Variants in TRRAP observed in about 807,000 individuals in gnomAD.
TRRAP encodes transformation/transcription domain associated protein, also known as transformation/transcription domain-associated protein.
Under a neutral mutation model 438.8 loss-of-function variants are expected in TRRAP, and 41 were observed. The ratio of observed to expected loss-of-function variants is 0.09; its 90% CI spans 0.07 to 0.12. TRRAP has a LOEUF of 0.12. Among genes scored for constraint, TRRAP ranks in the 10% least tolerant of loss-of-function variants. TRRAP has a pLI of 1.00. For missense variants in TRRAP, 3,122 were observed against 5,055.1 expected (o/e 0.62, Z 11.60); for synonymous variants, 1,994 against 1,962.9 (o/e 1.02, Z -0.42).
rs782549255 is a variant in TRRAP, at chr7:98,893,823, T to C, written c.392T>C (p.Ile131Thr). 1.2e-5 allele frequency: 19 copies of C among 1,613,492 alleles called. No individual in the cohort carries two copies. The Admixed American group carries it at 1.5e-4, about 13-fold the overall frequency. Residue 131 changes from isoleucine (I) to threonine (T), a missense_variant, in exon 6 of 73, where the codon ATT becomes ACT. Ile to Thr is a moderately conservative substitution (Grantham distance 89). Around this residue, in one of 24 missense-constraint regions of TRRAP, gnomAD observed 343 missense variants for 564.0 expected, o/e 0.61. Transcript: ENST00000456197. ...LETENEENVL[I>T]CLRIIIELHK... ...ACGGAAAATGAAGAAAATGTTCTTA[T>C]TTGTCTAAGAATAATTATTGAGCTA...
chr7:98,917,185 G>A (rs1158532106), intron 19 of TRRAP, among the ~76,000 whole-genome samples: 1 of 152,136 alleles, frequency 6.6e-6, no homozygotes, highest in East Asian at 1.9e-4. Context: ...ATAGTACTAT[G>A]ATTATAATTT....
In TRRAP at chr7:98,961,444, C is replaced by T. The variant is rs753196030; in HGVS notation, c.6673C>T (p.Arg2225Cys). 21 of 1,614,104 alleles carry T rather than the reference C, an allele frequency of 1.3e-5. No homozygotes were observed. Among genetic ancestry groups the T allele is most frequent in the Non-Finnish European group, 1.7e-5 (20 of 1,180,054 alleles). The change falls in exon 46 of 73, where the codon CGC (arginine) becomes TGC (cysteine). Residue 2225 changes from arginine to cysteine, a missense_variant. Arg to Cys is a radical substitution (Grantham distance 180, BLOSUM62 -3). This residue lies in a region of TRRAP where 992 missense variants were observed against 1,281.2 expected (regional missense o/e 0.77). Coordinates refer to ENST00000456197, the MANE Select transcript of TRRAP (RefSeq NM_001375524.1). Reference protein sequence around the residue: ...VLRAVHSLLSRLMSIFPTEPS... With the variant: ...VLRAVHSLLSCLMSIFPTEPS... ...GCGAGCCGTCCACAGCCTTCTCTCG[C>T]GCCTGATGAGCATTTTCCCAACAGA...
In TRRAP at chr7:98,917,513, C is replaced by T; in HGVS notation, c.2456C>T (p.Ser819Leu). The T allele has an allele frequency of 6.2e-7, 1 of 1,614,128 alleles. No individual in the cohort carries two copies. The highest frequency in any genetic ancestry group is 8.5e-7 in the Non-Finnish European group (1 of 1,180,018). ...CTCACCGTCCCTGTGCGGCTGAGCT[C>T]GCTTTTGCCGTACCTGCCCATGCTT... ...LCLTVPVRLS[S>L]LLPYLPMLMD... is the part of the protein sequence containing the mutation. The change falls in exon 20 of 73, where the codon TCG (serine) becomes TTG (leucine). Residue 819 changes from serine (S) to leucine (L), a missense_variant. Ser to Leu is a moderately radical substitution (Grantham distance 145). Transcript: ENST00000456197.
Position 98,964,720 on chromosome 7 carries a change from G to A in TRRAP, c.6921G>A (p.Met2307Ile). The A allele has an allele frequency of 6.2e-7, 1 of 1,613,948 alleles. No individual in the cohort carries two copies. The highest frequency in any genetic ancestry group is 2.2e-5 in the East Asian group (1 of 44,870). ...ISVFMRSLQK[M>I]VREHLNPQAA... ...TCTTTATGCGCTCCCTGCAGAAGAT[G>A]GTCCGGGAGCATTTAAACCCTCAGG... The change falls in exon 48 of 73, where the codon ATG becomes ATA. Residue 2307 changes from methionine (M) to isoleucine (I), a missense_variant. Met to Ile is a conservative substitution (Grantham distance 10). Coordinates refer to ENST00000456197, the MANE Select transcript of TRRAP (RefSeq NM_001375524.1).
In TRRAP at chr7:98,903,450, G is replaced by A. The variant is rs1439057127; in HGVS notation, c.969G>A (p.Glu323=). 10 of 1,614,116 alleles carry A rather than the reference G, an allele frequency of 6.2e-6. No homozygotes were observed. Among genetic ancestry groups the A allele is most frequent in the African/African-American group, 1.3e-5 (1 of 74,932 alleles). Residue 323 remains glutamate, a synonymous_variant, in exon 12 of 73, where the codon GAG becomes GAA. Transcript: ENST00000456197. Reference sequence around the variant, plus strand: ...AGTTACTTTCAAATTGTCCAGCAGAGACTGCACACCTCAGAAAGGAGCTTC... The same window carrying A: ...AGTTACTTTCAAATTGTCCAGCAGAAACTGCACACCTCAGAAAGGAGCTTC... ...MLQLLSNCPA[E]TAHLRKELLI...
rs779967379 is a variant in TRRAP, at chr7:98,967,703, G to A, written c.7512+5G>A. 1.9e-6 allele frequency: 3 copies of A among 1,612,186 alleles called. No individual in the cohort carries two copies. Among genetic ancestry groups the A allele is most frequent in the Non-Finnish European group, 2.5e-6 (3 of 1,179,396 alleles). On this transcript the variant is annotated splice_donor_5th_base_variant and intron_variant, in intron 51 of 72. Transcript: ENST00000456197. ...TGGATCAAGCAGTGCATTGAGGTAG[G>A]AAGACTCGGCTCACATCTGTGGCCG...
Position 98,994,007 on chromosome 7 carries a change from C to T in TRRAP, c.10047+270C>T, listed in dbSNP as rs759159030. The stretch of plus-strand genomic sequence containing the variant: ...GTGCTCATGTCCCTGAGCTCAGTGA[C>T]CTGAGTGCCACTGTTAACCAGGTGT... On this transcript the variant is annotated intron_variant, in intron 66 of 72. Coordinates refer to ENST00000456197, the MANE Select transcript of TRRAP (RefSeq NM_001375524.1). This position sits in a 1 kb window ranked among gnomAD's most constrained non-coding sequence, Gnocchi z 4.8. Among the ~76,000 whole-genome samples, 2 of 152,166 alleles carry T rather than the reference C, an allele frequency of 1.3e-5. No homozygotes were observed. The highest frequency in any genetic ancestry group is 2.9e-5 in the Non-Finnish European group (2 of 68,020).
At chr7:98,897,653 G>A (rs971315019) in intron 7 of TRRAP, 88 bp from the exon 8 acceptor site, 87 of 1,470,036 alleles carry the variant, frequency 5.9e-5, no homozygotes, top group South Asian at 3.1e-4. Context: ...AGAGTCAAGC[G>A]TCTTTTTGTT....
At chr7:98,886,387 GAT>G (rs1303405597) in intron 3 of TRRAP, among the ~76,000 whole-genome samples, 4 of 151,520 alleles carry the variant, frequency 2.6e-5, no homozygotes, top group African/African-American at 9.7e-5. Context: ...TATCTAGAGA[GAT>G]AGAGATAGAT....
chr7:98,938,043 G>A (rs1038039777), intron 30 of TRRAP, among the ~76,000 whole-genome samples: 11 of 152,224 alleles, frequency 7.2e-5, no homozygotes, highest in African/African-American at 1.7e-4. Flanking sequence ...GTGTGGCAGC[G>A]TGCATCTGTA....
intron 67 of TRRAP, among the ~76,000 whole-genome samples, chr7:99,003,322 T>C (rs1794017501): frequency 6.6e-6 from 1 of 152,284 alleles, no homozygotes; most frequent in East Asian, 1.9e-4. Flanking sequence ...TTTGCCATTT[T>C]GGTATCCTGC....
Position 98,908,887 on chromosome 7 carries a change from C to T in TRRAP, c.1275C>T (p.Asn425=). The stretch of plus-strand genomic sequence containing the variant: ...CCATGTCCTGCAAGCTCCTGCTGAA[C>T]CTGGTGGACTGCATCCGTTCCAAGA... ...IQTMSCKLLL[N]LVDCIRSKSE... The change falls in exon 14 of 73, where the codon AAC becomes AAT. Residue 425 remains asparagine (N), a synonymous_variant. Transcript: ENST00000456197. The surrounding 1 kb of genome is among the most constrained non-coding windows in gnomAD (Gnocchi z 4.1). The T allele has an allele frequency of 6.2e-7, 1 of 1,614,074 alleles. No homozygotes were observed. The highest frequency in any genetic ancestry group is 8.5e-7 in the Non-Finnish European group (1 of 1,180,000).
intron 21 of TRRAP, among the ~76,000 whole-genome samples, 184 bp from the exon 22 acceptor site, chr7:98,924,928 C>T (rs1432721415): frequency 7.9e-5 from 12 of 151,526 alleles, no homozygotes; most frequent in Admixed American, 4.6e-4. Context: ...GGCGTGAACC[C>T]GGGAGGCAGA....
At chr7:98,968,813 C>T (rs143952196) in intron 51 of TRRAP, among the ~76,000 whole-genome samples, 102 of 152,298 alleles carry the variant, frequency 6.7e-4, no homozygotes, top group African/African-American at 2.3e-3. Flanking sequence ...GTGCAGCGTG[C>T]GTTTGGAATT....
rs73711443 is a variant in TRRAP, at chr7:98,879,807, A to G, written c.-62+1170A>G. 3.1e-3 allele frequency among the ~76,000 whole-genome samples: 466 copies of G among 152,180 alleles called. 2 individuals carry two copies. Among genetic ancestry groups the G allele is most frequent in the African/African-American group, 0.011 (456 of 41,510 alleles). ...AAGAAGGGTTTTTGGTGTCTAGGAGAGAGTGGCCGGAAGGAGCTCTCTAGT... is the reference window on the plus strand; with the variant it reads ...AAGAAGGGTTTTTGGTGTCTAGGAGGGAGTGGCCGGAAGGAGCTCTCTAGT... On this transcript the variant is annotated intron_variant, in intron 1 of 72. Transcript: ENST00000456197.
Position 98,976,997 on chromosome 7 carries a change from C to T in TRRAP, c.8306C>T (p.Ala2769Val), listed in dbSNP as rs1562968323. The change falls in exon 56 of 73, where the codon GCT becomes GTT. Residue 2769 changes from alanine to valine, a missense_variant. Physicochemically the swap from Ala to Val is moderately conservative, Grantham distance 64 (BLOSUM62 0). Transcript: ENST00000456197. The surrounding 1 kb of genome is among the most constrained non-coding windows in gnomAD (Gnocchi z 4.6). ...YSLLQEEDMW[A>V]GLWQKRCKYS... Reference sequence around the variant, plus strand: ...CTGTTACAAGAGGAAGATATGTGGGCTGGTCTGTGGCAGAAGCGGTGCAAG... The same window carrying T: ...CTGTTACAAGAGGAAGATATGTGGGTTGGTCTGTGGCAGAAGCGGTGCAAG... The T allele has an allele frequency of 6.2e-7, 1 of 1,614,158 alleles. No individual in the cohort carries two copies.
chr7:98,906,307 T>C (rs1796724420), intron 13 of TRRAP, 52 bp downstream of exon 13: 1 of 1,419,166 alleles, frequency 7.0e-7, no homozygotes, highest in South Asian at 1.2e-5. Flanking sequence ...GGAGCATCAG[T>C]TACTGGCACT....
intron 60 of TRRAP, 90 bp from the exon 61 acceptor site, chr7:98,984,002 TG>T: frequency 6.9e-7 from 1 of 1,439,974 alleles, no homozygotes; most frequent in Non-Finnish European, 9.2e-7. Flanking sequence ...AAGCCATGTG[TG>T]TGTGTGTTTC....
rs189361596 is a variant in TRRAP, at chr7:98,934,170, A to C, written c.4014+768A>C. Among the ~76,000 whole-genome samples the C allele has an allele frequency of 8.4e-3, 1,281 of 152,338 alleles. 9 individuals carry two copies. The highest frequency in any genetic ancestry group is 0.015 in the Non-Finnish European group (998 of 68,032). On this transcript the variant is annotated intron_variant, in intron 27 of 72. Coordinates refer to ENST00000456197, the MANE Select transcript of TRRAP (RefSeq NM_001375524.1). ...TTGCCAAATTATAAGCAACATCTTT[A>C]GAATACAGTAGTGGTCTGGTGATCA... is the stretch of plus-strand genomic sequence containing the variant.
Sources: gnomAD v4.1 joint callset for allele counts (sites outside exome capture counted in the v4.1 genomes callset) on GRCh38, gnomAD v4.1.1 for gene constraint, gnomAD v4.1.1 regional missense constraint, Gnocchi (gnomAD v3.1) non-coding constraint, MANE v1.5 for transcripts, NCBI Gene and HGNC (gene_info 2026-07-23, HGNC 2026-07-21) for gene names.